CCT3: variants seen among roughly 807,000 people sequenced by gnomAD.
CCT3 encodes T-complex protein 1 subunit gamma.
CCT3 carries 10 observed loss-of-function variants against 65.3 expected under a neutral mutation model. That is an observed-to-expected ratio of 0.15 (90% CI 0.09 to 0.26). The LOEUF is 0.26. CCT3 is among the 10% of genes least tolerant of loss of function. The pLI, the probability that CCT3 is intolerant of heterozygous loss-of-function variation, is 1.00. For missense variants in CCT3, 626 were observed against 708.7 expected, an observed-to-expected ratio of 0.88 and a Z score of 1.33; for synonymous variants, 225 against 242.3, an observed-to-expected ratio of 0.93 and a Z score of 0.66.
In CCT3 at chr1:156,338,276, G is replaced by A. The variant is rs879222640; in HGVS notation, c.-92C>T. ...ACCAGACAGAAGCCCAGAAAACGCT[G>A]CCTCCTCAGGGCTTACACCTCAACC... is the stretch of plus-strand genomic sequence containing the variant. On this transcript the variant is annotated 5_prime_UTR_variant, in exon 1 of 14. Coordinates refer to ENST00000295688, the MANE Select transcript of CCT3 (RefSeq NM_005998.5). 22 of 1,316,424 alleles carry A rather than the reference G, an allele frequency of 1.7e-5. No homozygotes were observed. Among genetic ancestry groups the A allele is most frequent in the South Asian group, 1.4e-4 (11 of 79,550 alleles). The allele number at this position is 1,316,424 out of a possible 1,614,324, so 81.5% of individuals were successfully genotyped here.
chr1:156,317,198 T>C lies in CCT3; in HGVS notation c.942A>G (p.Arg314=). 6.2e-7 allele frequency: 1 copy of C among 1,614,244 alleles called. No homozygotes were observed. Among genetic ancestry groups the C allele is most frequent in the Non-Finnish European group, 8.5e-7 (1 of 1,180,030 alleles). Residue 314 remains arginine, a synonymous_variant, in exon 10 of 14, where the codon AGA becomes AGG. Transcript: ENST00000295688. ...TGCGATTATTGTCTGTCTTCCGGAC[T>C]CTGCGGATGGCTGTGATATTGGCCC... ...LMRANITAIR[R]VRKTDNNRIA...
At chr1:156,312,476 A>G (rs1348322289) in intron 10 of CCT3, among the ~76,000 whole-genome samples, 8 of 152,122 alleles carry the variant, frequency 5.3e-5, no homozygotes, top group Non-Finnish European at 1.2e-4. Context: ...CCCGGGCAAC[A>G]TAACAAGACT....
At chr1:156,314,111 A>T (rs1450334257) in intron 10 of CCT3, among the ~76,000 whole-genome samples, 1 of 150,302 alleles carries the variant, frequency 6.7e-6, no homozygotes, top group East Asian at 1.9e-4. Flanking sequence ...AAAAGTCAAC[A>T]TTATGAAAGA....
chr1:156,309,398 T>C (rs1295276199), intron 13 of CCT3, 95 bp from the exon 14 acceptor site: 12 of 815,000 alleles, frequency 1.5e-5, no homozygotes, highest in Non-Finnish European at 2.5e-5. Context: ...ACTATGGAAC[T>C]GCCATTTTGT....
intron 5 of CCT3, among the ~76,000 whole-genome samples, chr1:156,329,236 C>T (rs1042901024): frequency 4.6e-5 from 7 of 151,726 alleles, no homozygotes; most frequent in Non-Finnish European, 2.9e-5. Context: ...TTGTAAAGTA[C>T]ACTCCATGAA....
chr1:156,321,890 C>T lies in CCT3; in HGVS notation c.423-865G>A, dbSNP rs1664566775. Among the ~76,000 whole-genome samples, 3 of 152,066 alleles carry T rather than the reference C, an allele frequency of 2.0e-5. No individual in the cohort carries two copies. The South Asian group carries it at 6.2e-4, about 32-fold the overall frequency. Reference sequence around the variant, plus strand: ...ATCCCTCTTTTAACAGTGAAAGGCACATAATATACCAATTATTAAATGGTT... The same window carrying T: ...ATCCCTCTTTTAACAGTGAAAGGCATATAATATACCAATTATTAAATGGTT... On this transcript the variant is annotated intron_variant, in intron 6 of 13. Coordinates refer to ENST00000295688, the MANE Select transcript of CCT3 (RefSeq NM_005998.5).
At position 156,335,803 on chromosome 1, in the gene CCT3, A is replaced by G. The variant is rs758798332; in HGVS notation, c.93+24T>C. On this transcript the variant is annotated intron_variant, in intron 2 of 13. Transcript: ENST00000295688. ...GAAAGATAGCTGGAGGCAAACTACC[A>G]TAAACACTTAAAAGATTTGTGACCT... is the stretch of plus-strand genomic sequence containing the variant. 3.7e-6 allele frequency: 6 copies of G among 1,606,540 alleles called. No individual in the cohort carries two copies. The South Asian group carries it at 6.6e-5, about 18-fold the overall frequency.
intron 4 of CCT3, 30 bp downstream of exon 4, chr1:156,334,683 C>G: frequency 6.2e-7 from 1 of 1,606,992 alleles, no homozygotes; most frequent in Non-Finnish European, 8.5e-7. Flanking sequence ...TGTCAGAAAG[C>G]AAAAAAACAA....
Position 156,318,980 on chromosome 1 carries a change from C to A in CCT3, c.647G>T (p.Arg216Leu), listed in dbSNP as rs555217119. Residue 216 changes from arginine to leucine, a missense_variant, in exon 8 of 14, where the codon CGT becomes CTT. Transcript: ENST00000295688. ...GGIIEDSCVLRGVMINKDVTH... is the reference protein window; with the variant it reads ...GGIIEDSCVLLGVMINKDVTH... ...CACATCCTTGTTAATCATGACTCCA[C>A]GCAAGACACAGGAGTCTTCAATGAT... 2.5e-6 allele frequency: 4 copies of A among 1,613,732 alleles called. No individual in the cohort carries two copies. The highest frequency in any genetic ancestry group is 8.5e-7 in the Non-Finnish European group (1 of 1,179,852).
intron 8 of CCT3, among the ~76,000 whole-genome samples, chr1:156,318,659 T>C (rs982678406): frequency 3.9e-5 from 6 of 152,198 alleles, no homozygotes; most frequent in Admixed American, 1.3e-4. Flanking sequence ...ACTAGCTGTA[T>C]TCCTCAAGCA....
chr1:156,314,695 CAA>C (rs1319445089), intron 10 of CCT3, among the ~76,000 whole-genome samples: 3 of 151,924 alleles, frequency 2.0e-5, no homozygotes, highest in Non-Finnish European at 2.9e-5. Context: ...GCGTGGGCGA[CAA>C]GAGCGAAACT....
chr1:156,316,929 T>C (rs1393049037), intron 10 of CCT3, among the ~76,000 whole-genome samples: 2 of 152,114 alleles, frequency 1.3e-5, no homozygotes, highest in Non-Finnish European at 2.9e-5. Flanking sequence ...AAGGTAGCAA[T>C]TACAAATGTC....
chr1:156,337,792 G>GAA (rs58684067), intron 1 of CCT3: 62,193 of 279,808 alleles, frequency 0.22, 6,863 homozygotes, highest in Admixed American at 0.27. Flanking sequence ...AGACCTAACT[G>GAA]AAAAAAAAAC....
chr1:156,315,024 T>C (rs12038481), intron 10 of CCT3, among the ~76,000 whole-genome samples: 35,411 of 152,088 alleles, frequency 0.23, 4,775 homozygotes, highest in Non-Finnish European at 0.29. Context: ...TGTATTTCCA[T>C]TGAGTTACAC....
At chr1:156,322,015 G>T (rs773616348) in intron 6 of CCT3, among the ~76,000 whole-genome samples, 3 of 152,200 alleles carry the variant, frequency 2.0e-5, no homozygotes, top group Non-Finnish European at 2.9e-5. Flanking sequence ...CAACACTTTG[G>T]AAGACTGAGG....
intron 7 of CCT3, among the ~76,000 whole-genome samples, chr1:156,320,016 T>TTTTTTG (rs1464115891): frequency 6.6e-5 from 10 of 152,152 alleles, no homozygotes; most frequent in Non-Finnish European, 1.3e-4. Flanking sequence ...GCAGTGAAGG[T>TTTTTTG]AACAACAAAA....
Position 156,333,612 on chromosome 1 carries a change from ATGGACTTGGCCGCTGGATGC to A in CCT3, c.219_238del (p.Gln73HisfsTer5). 1 of 1,614,048 alleles carries A rather than the reference ATGGACTTGGCCGCTGGATGC, an allele frequency of 6.2e-7. No individual in the cohort carries two copies. The highest frequency in any genetic ancestry group is 8.5e-7 in the Non-Finnish European group (1 of 1,179,924). On this transcript the variant is annotated frameshift_variant, in exon 5 of 14. Coordinates refer to ENST00000295688, the MANE Select transcript of CCT3 (RefSeq NM_005998.5). LOFTEE classifies it high-confidence loss of function. ...ATCCTGGGTCCGGCTAATTTCGATC[ATGGACTTGGCCGCTGGATGC>A]TGGACTTGAATCTAAAAAGGTAGAT...
At chr1:156,325,894 T>C (rs1664781694) in intron 5 of CCT3, among the ~76,000 whole-genome samples, 1 of 151,996 alleles carries the variant, frequency 6.6e-6, no homozygotes, top group Non-Finnish European at 1.5e-5. Flanking sequence ...TCTCTTGATC[T>C]TTCTAAAAAA....
chr1:156,312,358 C>G, intron 10 of CCT3, 137 bp from the exon 11 acceptor site: 1 of 705,804 alleles, frequency 1.4e-6, no homozygotes, highest in South Asian at 2.4e-5. Context: ...CTTGCCTGTC[C>G]GGTGAAAAAG....
Sources: allele counts gnomAD v4.1 joint callset (sites outside exome capture counted in the v4.1 genomes callset), GRCh38; gene constraint gnomAD v4.1.1; transcripts MANE v1.5; gene names NCBI Gene and HGNC (gene_info 2026-07-23, HGNC 2026-07-21).